LOC128125817: variants seen among roughly 807,000 people sequenced by gnomAD.
the LOC128125817 span, among the ~76,000 whole-genome samples, chr1:41,628,565 C>T: frequency 6.6e-6 from 1 of 152,308 alleles, no homozygotes; most frequent in African/African-American, 2.4e-5. Context: ...CACTCAAGGT[C>T]TCTACTCCTG....
At chr1:41,594,645 G>T in the LOC128125817 span, among the ~76,000 whole-genome samples, 1 of 152,236 alleles carries the variant, frequency 6.6e-6, no homozygotes, top group Non-Finnish European at 1.5e-5. Flanking sequence ...TTTTGATATT[G>T]AAGCTATTGA....
At chr1:41,589,757 G>C in the LOC128125817 span, among the ~76,000 whole-genome samples, 10 of 152,184 alleles carry the variant, frequency 6.6e-5, no homozygotes, top group Non-Finnish European at 1.3e-4. Flanking sequence ...GAGCTGTTAG[G>C]CTAAGCTGGC....
chr1:41,611,190 A>G, the LOC128125817 span, among the ~76,000 whole-genome samples: 1 of 152,340 alleles, frequency 6.6e-6, no homozygotes, highest in African/African-American at 2.4e-5. Flanking sequence ...GAATGGATGA[A>G]TAAACAAACG....
At chr1:41,620,199 T>C in the LOC128125817 span, among the ~76,000 whole-genome samples, 1 of 152,188 alleles carries the variant, frequency 6.6e-6, no homozygotes, top group Admixed American at 6.5e-5. Context: ...TCCTGACAGG[T>C]GGCACAGGTG....
At chr1:41,625,317 G>A in the LOC128125817 span, among the ~76,000 whole-genome samples, 1 of 152,050 alleles carries the variant, frequency 6.6e-6, no homozygotes, top group Non-Finnish European at 1.5e-5. Context: ...AACTTCTTCT[G>A]TAAAGGGCCA....
the LOC128125817 span, among the ~76,000 whole-genome samples, chr1:41,603,336 G>A: frequency 6.6e-6 from 1 of 151,812 alleles, no homozygotes; most frequent in East Asian, 1.9e-4. Flanking sequence ...CCAAAGCGCT[G>A]GGATTACAGT....
the LOC128125817 span, among the ~76,000 whole-genome samples, chr1:41,626,564 C>T: frequency 3.3e-5 from 5 of 152,136 alleles, no homozygotes; most frequent in African/African-American, 1.2e-4. Flanking sequence ...TGGACAGTTC[C>T]CCCATGTATC....
chr1:41,598,210 AAG>A, the LOC128125817 span, among the ~76,000 whole-genome samples: 2 of 152,198 alleles, frequency 1.3e-5, no homozygotes, highest in African/African-American at 4.8e-5. Context: ...AACACCGCCT[AAG>A]AGAGACCCAA....
the LOC128125817 span, among the ~76,000 whole-genome samples, chr1:41,627,946 C>T: frequency 1.3e-5 from 2 of 150,576 alleles, no homozygotes; most frequent in Non-Finnish European, 3.0e-5. Context: ...ATCCCCAGCT[C>T]TCTGGGTGAT....
chr1:41,604,300 T>C, the LOC128125817 span, among the ~76,000 whole-genome samples: 1 of 152,138 alleles, frequency 6.6e-6, no homozygotes, highest in Admixed American at 6.5e-5. Flanking sequence ...ATAGAATGGA[T>C]AAATAAATTG....
chr1:41,607,868 GTCT>G, the LOC128125817 span, among the ~76,000 whole-genome samples: 1 of 152,154 alleles, frequency 6.6e-6, no homozygotes, highest in South Asian at 2.1e-4. Context: ...TTTGATCTTG[GTCT>G]TCTGATATCC....
chr1:41,589,396 T>C, the LOC128125817 span, among the ~76,000 whole-genome samples: 4 of 152,252 alleles, frequency 2.6e-5, no homozygotes, highest in Admixed American at 1.3e-4. Context: ...AGCAGCCCAA[T>C]AGGAAGGAGA....
the LOC128125817 span, among the ~76,000 whole-genome samples, chr1:41,614,384 T>A: frequency 6.6e-6 from 1 of 152,214 alleles, no homozygotes; most frequent in Non-Finnish European, 1.5e-5. Context: ...AGGGCTTAGA[T>A]GGTTCCATTC....
chr1:41,593,595 C>T, the LOC128125817 span, among the ~76,000 whole-genome samples: 6 of 152,346 alleles, frequency 3.9e-5, no homozygotes, highest in East Asian at 9.6e-4. Flanking sequence ...GCAAATAGCT[C>T]TTCAAAAAGC....
At chr1:41,620,817 A>T in the LOC128125817 span, among the ~76,000 whole-genome samples, 11 of 152,108 alleles carry the variant, frequency 7.2e-5, no homozygotes, top group African/African-American at 2.4e-4. Context: ...CTTTCCTTCA[A>T]GCAAACAGAA....
At chr1:41,606,633 T>C in the LOC128125817 span, among the ~76,000 whole-genome samples, 1 of 151,966 alleles carries the variant, frequency 6.6e-6, no homozygotes, top group Non-Finnish European at 1.5e-5. Context: ...TTTGGGTTCC[T>C]TTTTTGATTG....
At chr1:41,623,209 G>A in the LOC128125817 span, among the ~76,000 whole-genome samples, 1 of 152,244 alleles carries the variant, frequency 6.6e-6, no homozygotes, top group African/African-American at 2.4e-5. Context: ...CAGGCAGGAA[G>A]TGGGAGGCAG....
chr1:41,603,548 C>T, the LOC128125817 span, among the ~76,000 whole-genome samples: 4 of 148,966 alleles, frequency 2.7e-5, no homozygotes, highest in East Asian at 2.0e-4. Context: ...TTAGTGGAAA[C>T]GGGGTTTCAC....
At chr1:41,623,487 T>A in the LOC128125817 span, among the ~76,000 whole-genome samples, 1 of 152,194 alleles carries the variant, frequency 6.6e-6, no homozygotes, top group Non-Finnish European at 1.5e-5. Flanking sequence ...AAATGTCCCT[T>A]TTCTATGGGG....
Sources: gnomAD v4.1 joint callset for allele counts (sites outside exome capture counted in the v4.1 genomes callset) on GRCh38, gnomAD v4.1.1 for gene constraint, MANE v1.5 for transcripts.